Variants in NUBPL observed in about 807,000 individuals in gnomAD.
NUBPL encodes the protein NUBP iron-sulfur cluster assembly factor, mitochondrial.
A neutral mutation model predicts 45.7 loss-of-function variants in NUBPL; 31 were observed. The ratio of observed to expected loss-of-function variants is 0.68; its 90% confidence interval spans 0.51 to 0.92. The LOEUF (loss-of-function observed/expected upper bound fraction) is 0.92, where lower values mean the gene tolerates loss of function less well. Ranked by LOEUF, NUBPL falls within the 40% of genes least tolerant of loss-of-function variation. The pLI is 0.00. For missense variants in NUBPL, 401 were observed against 398.7 expected, an observed-to-expected ratio of 1.01 and a Z score of -0.05; for synonymous variants, 144 against 140.9, an observed-to-expected ratio of 1.02 and a Z score of -0.15.
intron 10 of NUBPL, among the ~76,000 whole-genome samples, chr14:31,853,682 A>G (rs1347900830): frequency 6.6e-6 from 1 of 152,204 alleles, no homozygotes; most frequent in African/African-American, 2.4e-5. Flanking sequence ...GTTAGTACCA[A>G]TTAAAAAGTA....
At chr14:31,826,586 T>C (rs781481886) in intron 7 of NUBPL, 43 bp from the exon 8 acceptor site, 118 of 1,544,790 alleles carry the variant, frequency 7.6e-5, no homozygotes, top group Non-Finnish European at 6.3e-5. Context: ...AATTTCTCCA[T>C]AGAGAATTAA....
intron 6 of NUBPL, among the ~76,000 whole-genome samples, chr14:31,717,956 T>C (rs2037726008): frequency 6.6e-6 from 1 of 152,192 alleles, no homozygotes; most frequent in Non-Finnish European, 1.5e-5. Flanking sequence ...TTCAAAATTC[T>C]TTTTGTTTGT....
intron 6 of NUBPL, among the ~76,000 whole-genome samples, chr14:31,693,721 C>T (rs1360378381): frequency 1.5e-5 from 2 of 136,026 alleles, no homozygotes; most frequent in African/African-American, 5.6e-5. Flanking sequence ...ATGCTTTAAA[C>T]ATTAAGGAAT....
intron 7 of NUBPL, among the ~76,000 whole-genome samples, chr14:31,793,843 T>TTTA (rs1555338736): frequency 0.012 from 1,026 of 87,964 alleles, 28 homozygotes; most frequent in African/African-American, 0.092. Flanking sequence ...TTTTTTTTAT[T>TTTA]TTTTTTTTTA....
chr14:31,652,867 T>C (rs939382717), intron 4 of NUBPL, among the ~76,000 whole-genome samples: 2 of 152,168 alleles, frequency 1.3e-5, no homozygotes, highest in African/African-American at 2.4e-5. Flanking sequence ...TTAACATAGG[T>C]TCTTTCTATT....
intron 4 of NUBPL, among the ~76,000 whole-genome samples, chr14:31,654,411 T>TC (rs1185266697): frequency 6.6e-6 from 1 of 150,646 alleles, no homozygotes; most frequent in Non-Finnish European, 1.5e-5. Flanking sequence ...CTTTTTTTTT[T>TC]CTTTTTTTTT....
At chr14:31,851,302 C>CA (rs1422043058) in intron 10 of NUBPL, among the ~76,000 whole-genome samples, 1 of 149,538 alleles carries the variant, frequency 6.7e-6, no homozygotes, top group Non-Finnish European at 1.5e-5. Flanking sequence ...TTTTTCCAAA[C>CA]ATAACTGCTG....
At chr14:31,694,722 G>T (rs1488277498) in intron 6 of NUBPL, among the ~76,000 whole-genome samples, 3 of 152,102 alleles carry the variant, frequency 2.0e-5, no homozygotes, top group African/African-American at 4.8e-5. Flanking sequence ...CACCATGTTG[G>T]TCAGGCTGGT....
At chr14:31,831,941 A>G (rs1423705980) in intron 8 of NUBPL, among the ~76,000 whole-genome samples, 1 of 152,210 alleles carries the variant, frequency 6.6e-6, no homozygotes, top group African/African-American at 2.4e-5. Context: ...AACATTTGCA[A>G]TGATCAAAGT....
intron 6 of NUBPL, among the ~76,000 whole-genome samples, chr14:31,675,894 T>A (rs1336246717): frequency 6.6e-6 from 1 of 152,214 alleles, no homozygotes; most frequent in Non-Finnish European, 1.5e-5. Context: ...AGCATTTCCA[T>A]CCTCCAAGAG....
At chr14:31,638,260 A>C (rs1162981344) in intron 4 of NUBPL, among the ~76,000 whole-genome samples, 3 of 151,902 alleles carry the variant, frequency 2.0e-5, no homozygotes, top group African/African-American at 7.3e-5. Context: ...TGCTTCCTTC[A>C]GGAGCTCTTT....
At chr14:31,666,248 TATATATA>T (rs2036413479) in intron 4 of NUBPL, among the ~76,000 whole-genome samples, 1 of 39,756 alleles carries the variant, frequency 2.5e-5, no homozygotes, top group African/African-American at 9.2e-5. Flanking sequence ...TATATATATA[TATATATA>T]TATATATAAT....
intron 4 of NUBPL, among the ~76,000 whole-genome samples, chr14:31,605,532 C>T (rs1056880068): frequency 6.6e-6 from 1 of 152,170 alleles, no homozygotes; most frequent in African/African-American, 2.4e-5. Context: ...TAATTTTGCA[C>T]TCATGGCACA....
intron 4 of NUBPL, among the ~76,000 whole-genome samples, chr14:31,638,313 G>T (rs1595409802): frequency 6.6e-6 from 1 of 151,654 alleles, no homozygotes; most frequent in Non-Finnish European, 1.5e-5. Flanking sequence ...GCATTTGCTT[G>T]TCTGTAAAGG....
chr14:31,600,474 G>A lies in NUBPL; in HGVS notation c.382+1095G>A, dbSNP rs111463981. On this transcript the variant is annotated intron_variant, in intron 4 of 10. Coordinates refer to ENST00000281081, the MANE Select transcript of NUBPL (RefSeq NM_025152.3). ...GATGTGGAAGGAAACTAGAGTACCC[G>A]AATACCCACGCAGACCTGGGGAGAA... Among the ~76,000 whole-genome samples the A allele has an allele frequency of 5.9e-3, 891 of 152,254 alleles. 2 individuals carry two copies. Among genetic ancestry groups the A allele is most frequent in the Admixed American group, 0.017 (261 of 15,290 alleles).
chr14:31,788,707 C>T (rs1024979626), intron 7 of NUBPL, among the ~76,000 whole-genome samples: 53 of 152,252 alleles, frequency 3.5e-4, no homozygotes, highest in African/African-American at 1.3e-3. Flanking sequence ...TACTGGGCAT[C>T]TTAAGGGGTA....
At chr14:31,760,428 T>C (rs1303874807) in intron 6 of NUBPL, among the ~76,000 whole-genome samples, 6 of 152,044 alleles carry the variant, frequency 3.9e-5, no homozygotes, top group Non-Finnish European at 2.9e-5. Context: ...GTTTGGATTA[T>C]AGGCATGAGC....
At chr14:31,713,410 G>T (rs900957223) in intron 6 of NUBPL, among the ~76,000 whole-genome samples, 5 of 151,946 alleles carry the variant, frequency 3.3e-5, no homozygotes, top group Admixed American at 3.3e-4. Context: ...GTTTATATAT[G>T]GCACATTATG....
chr14:31,622,503 G>A (rs4981867), intron 4 of NUBPL, among the ~76,000 whole-genome samples: 151,397 of 152,066 alleles, frequency 1, 75,368 homozygotes, highest in Middle Eastern at 1. Context: ...CTCCCATCAC[G>A]GGCTTAGGAG....
Sources: gnomAD v4.1 joint callset for allele counts (sites outside exome capture counted in the v4.1 genomes callset) on GRCh38, gnomAD v4.1.1 for gene constraint, MANE v1.5 for transcripts, NCBI Gene and HGNC (gene_info 2026-07-23, HGNC 2026-07-21) for gene names.